PPP4R2: variants seen among roughly 807,000 people sequenced by gnomAD.
PPP4R2 encodes the protein serine/threonine-protein phosphatase 4 regulatory subunit 2.
Under a neutral mutation model 47.2 loss-of-function variants are expected in PPP4R2, and 13 were observed. That is an observed-to-expected ratio of 0.28 (90% CI 0.18 to 0.44). The LOEUF is 0.44. Ranked by LOEUF, PPP4R2 falls within the 20% of genes least tolerant of loss-of-function variation. The pLI, the probability that PPP4R2 is intolerant of heterozygous loss-of-function variation, is 1.00. For missense variants in PPP4R2, 421 were observed against 491.2 expected, an observed-to-expected ratio of 0.86 and a Z score of 1.35; for synonymous variants, 151 against 163.3, an observed-to-expected ratio of 0.92 and a Z score of 0.57.
intron 2 of PPP4R2, among the ~76,000 whole-genome samples, chr3:73,021,582 C>T (rs974376707): frequency 1.3e-5 from 2 of 151,948 alleles, no homozygotes; most frequent in African/African-American, 2.4e-5. Flanking sequence ...ATACTTTCAA[C>T]ATAAATTAGG....
intron 2 of PPP4R2, among the ~76,000 whole-genome samples, chr3:73,041,878 T>C (rs1702386899): frequency 6.6e-6 from 1 of 152,220 alleles, no homozygotes; most frequent in Non-Finnish European, 1.5e-5. Flanking sequence ...CTTTAGAGAA[T>C]TGTGAGAGAA....
At chr3:73,042,239 C>T (rs1702392858) in intron 2 of PPP4R2, among the ~76,000 whole-genome samples, 1 of 151,846 alleles carries the variant, frequency 6.6e-6, no homozygotes, top group Non-Finnish European at 1.5e-5. Context: ...TATTGAAAGC[C>T]AAGGGTTTTT....
intron 1 of PPP4R2, 80 bp from the exon 2 acceptor site, chr3:72,997,997 G>T: frequency 1.1e-6 from 1 of 928,906 alleles, no homozygotes; most frequent in Non-Finnish European, 1.7e-6. Flanking sequence ...TTTTTAATAA[G>T]GTAAAGGACT....
chr3:73,040,783 C>A (rs1004530801), intron 2 of PPP4R2, among the ~76,000 whole-genome samples: 1 of 152,074 alleles, frequency 6.6e-6, no homozygotes, highest in Admixed American at 6.6e-5. Context: ...AAAGTGCTTG[C>A]ATTACAGGCG....
chr3:73,018,594 CTT>C (rs960729593), intron 2 of PPP4R2, among the ~76,000 whole-genome samples: 3 of 152,014 alleles, frequency 2.0e-5, no homozygotes, highest in African/African-American at 7.2e-5. Context: ...GTGTCTTGGT[CTT>C]TAAAATTTTT....
At chr3:73,047,489 T>G in intron 3 of PPP4R2, 133 bp downstream of exon 3, 2 of 551,322 alleles carry the variant, frequency 3.6e-6, no homozygotes, top group Non-Finnish European at 6.0e-6. Flanking sequence ...TGACATGTAG[T>G]AGTTGATGAT....
intron 2 of PPP4R2, among the ~76,000 whole-genome samples, chr3:73,034,375 T>C (rs1019965855): frequency 1.3e-5 from 2 of 152,228 alleles, no homozygotes; most frequent in Non-Finnish European, 1.5e-5. Context: ...CGCAGAACAC[T>C]TGCTGACTAT....
chr3:73,004,855 GTGTGTGTGTGTGTGTTTGTT>G lies in PPP4R2; in HGVS notation c.116+6701_116+6720del, dbSNP rs1224483414. On this transcript the variant is annotated intron_variant, in intron 2 of 8. Coordinates refer to ENST00000356692, the MANE Select transcript of PPP4R2 (RefSeq NM_174907.4). ...AAAATACAGTGTGGGGTGTGTGTGT[GTGTGTGTGTGTGTGTTTGTT>G]TGTTTGTTTGTGTGTGTGTGTTTTG... Among the ~76,000 whole-genome samples the G allele has an allele frequency of 1.1e-3, 100 of 88,144 alleles. 1 individual carries two copies. The highest frequency in any genetic ancestry group is 7.1e-3 in the African/African-American group (95 of 13,360). 57.8% of individuals were successfully genotyped at this position (88,144 alleles called of 152,430 possible). A position where few individuals can be genotyped will look rare whatever the true frequency, so the allele number is the denominator to read the frequency against.
At chr3:73,009,973 AATCTACATG>A (rs1231896351) in intron 2 of PPP4R2, among the ~76,000 whole-genome samples, 1 of 152,190 alleles carries the variant, frequency 6.6e-6, no homozygotes, top group Non-Finnish European at 1.5e-5. Context: ...TGTGTGTGGA[AATCTACATG>A]TAACCACTTG....
intron 2 of PPP4R2, chr3:73,015,847 C>T (rs1473835147): frequency 7.0e-6 from 3 of 429,298 alleles, no homozygotes. Context: ...ACCATGTTAG[C>T]CAGGACGGTC....
chr3:73,060,598 CTCTT>C (rs1702834149), intron 4 of PPP4R2, among the ~76,000 whole-genome samples: 1 of 46,632 alleles, frequency 2.1e-5, no homozygotes, highest in South Asian at 1.0e-3. Flanking sequence ...AGGTTTGAGT[CTCTT>C]TCTGTGGGAT....
chr3:73,056,968 A>G (rs1475496819), intron 3 of PPP4R2, among the ~76,000 whole-genome samples: 2 of 152,156 alleles, frequency 1.3e-5, no homozygotes, highest in Non-Finnish European at 2.9e-5. Context: ...GAATACCCAA[A>G]CACTTGTTGA....
At chr3:73,002,992 C>T (rs1701509971) in intron 2 of PPP4R2, among the ~76,000 whole-genome samples, 1 of 152,020 alleles carries the variant, frequency 6.6e-6, no homozygotes, top group South Asian at 2.1e-4. Flanking sequence ...CTCTCAAGAA[C>T]ACAGGCAGGG....
chr3:73,012,900 G>A (rs1701752677), intron 2 of PPP4R2, among the ~76,000 whole-genome samples: 1 of 141,698 alleles, frequency 7.1e-6, no homozygotes, highest in Non-Finnish European at 1.5e-5. Context: ...GTAGAATGTA[G>A]GCTTTTTTTT....
chr3:73,052,785 T>G (rs1702646348), intron 3 of PPP4R2, among the ~76,000 whole-genome samples: 1 of 152,208 alleles, frequency 6.6e-6, no homozygotes, highest in Non-Finnish European at 1.5e-5. Flanking sequence ...CTGTGAATAG[T>G]AAACTAAAAT....
intron 2 of PPP4R2, among the ~76,000 whole-genome samples, chr3:73,033,203 A>G (rs1387039854): frequency 2.6e-5 from 4 of 152,148 alleles, no homozygotes; most frequent in Non-Finnish European, 5.9e-5. Flanking sequence ...TGTTTATTCT[A>G]CCTACTTATT....
chr3:72,997,743 T>C (rs998528664), intron 1 of PPP4R2, among the ~76,000 whole-genome samples: 2 of 152,162 alleles, frequency 1.3e-5, no homozygotes, highest in Admixed American at 6.5e-5. Context: ...AGATGAACAA[T>C]TGGTGGGAGT....
intron 3 of PPP4R2, among the ~76,000 whole-genome samples, chr3:73,055,461 A>AAT (rs1263070028): frequency 7.8e-4 from 72 of 92,138 alleles, no homozygotes; most frequent in South Asian, 3.2e-3. Flanking sequence ...TGTGTATTAA[A>AAT]ATATATATAT....
At chr3:73,035,102 C>G (rs1702238284) in intron 2 of PPP4R2, among the ~76,000 whole-genome samples, 1 of 152,134 alleles carries the variant, frequency 6.6e-6, no homozygotes, top group Non-Finnish European at 1.5e-5. Flanking sequence ...ACCAAATTAT[C>G]CAATTAAAAT....
Sources: gnomAD v4.1 joint callset for allele counts (sites outside exome capture counted in the v4.1 genomes callset) on GRCh38, gnomAD v4.1.1 for gene constraint, MANE v1.5 for transcripts, NCBI Gene and HGNC (gene_info 2026-07-23, HGNC 2026-07-21) for gene names.